Variants in ERICH1 observed in about 807,000 individuals in gnomAD.
ERICH1 encodes the protein glutamate-rich protein 1.
ERICH1 carries 56 observed loss-of-function variants against 39.6 expected under a neutral mutation model. That is an observed-to-expected ratio of 1.41 (90% CI 1.14 to 1.77). The LOEUF (loss-of-function observed/expected upper bound fraction) is 1.77, where lower values mean the gene tolerates loss of function less well. Ranked by LOEUF, ERICH1 falls within the 40% of genes most tolerant of loss-of-function variation. The probability of loss-of-function intolerance (pLI) is 0.00; values close to 1 mark genes in which losing one functional copy is unlikely to be tolerated. For missense variants in ERICH1, 826 were observed against 575.4 expected, an observed-to-expected ratio of 1.44 and a Z score of -4.45; for synonymous variants, 313 against 223.6, an observed-to-expected ratio of 1.40 and a Z score of -3.57.
chr8:620,615 C>A (rs570284258), intron 3 of ERICH1, among the ~76,000 whole-genome samples: 10 of 152,254 alleles, frequency 6.6e-5, no homozygotes, highest in Non-Finnish European at 1.0e-4. Context: ...GAAAAACATA[C>A]GTCATGCAAA....
chr8:665,274 C>T (rs1400983417), intron 5 of ERICH1, among the ~76,000 whole-genome samples: 1 of 152,166 alleles, frequency 6.6e-6, no homozygotes, highest in Non-Finnish European at 1.5e-5. Flanking sequence ...CGGCTCCGAC[C>T]TCTGAGCCCA....
chr8:703,073 G>A (rs950544766), intron 2 of ERICH1, among the ~76,000 whole-genome samples: 2 of 152,224 alleles, frequency 1.3e-5, no homozygotes, highest in African/African-American at 4.8e-5. Context: ...GAAACTAAAA[G>A]GGCTTACGTC....
intron 2 of ERICH1, among the ~76,000 whole-genome samples, chr8:696,371 G>A (rs1393118645): frequency 8.1e-5 from 1 of 12,290 alleles, no homozygotes; most frequent in South Asian, 6.8e-3. Context: ...ATCAGCCTGC[G>A]CTCGCTCCTC....
intron 3 of ERICH1, among the ~76,000 whole-genome samples, chr8:678,076 A>C (rs1805264819): frequency 6.6e-6 from 1 of 152,134 alleles, no homozygotes; most frequent in Non-Finnish European, 1.5e-5. Context: ...AAAGGCCATA[A>C]AATGTTAAGT....
In ERICH1 at chr8:668,625, A is replaced by G; in HGVS notation, c.1231T>C (p.Phe411Leu). 1 of 1,614,220 alleles carries G rather than the reference A, an allele frequency of 6.2e-7. No individual in the cohort carries two copies. ...GGAGGCATCGTGCAATGTTCTGGGAACATTTCCAGAGCATGCTTCAATCTC... is the reference window on the plus strand; with the variant it reads ...GGAGGCATCGTGCAATGTTCTGGGAGCATTTCCAGAGCATGCTTCAATCTC... ...TERLKHALEM[F>L]PEHCTMPPDH... The change falls in exon 5 of 6, where the codon TTC becomes CTC. Residue 411 changes from phenylalanine (F) to leucine (L), a missense_variant. Transcript: ENST00000262109.
intron 3 of ERICH1, among the ~76,000 whole-genome samples, chr8:678,689 T>G (rs777187150): frequency 5.3e-5 from 8 of 152,118 alleles, no homozygotes; most frequent in Non-Finnish European, 1.2e-4. Flanking sequence ...GTGCCTGTAG[T>G]CCCAGCTACT....
chr8:717,036 G>T (rs1050096111), intron 1 of ERICH1, among the ~76,000 whole-genome samples: 2 of 152,220 alleles, frequency 1.3e-5, no homozygotes, highest in Admixed American at 1.3e-4. Flanking sequence ...CTCCGTGGAT[G>T]GACCATGAAA....
chr8:717,210 G>A (rs1023563858), intron 1 of ERICH1, among the ~76,000 whole-genome samples: 2 of 152,148 alleles, frequency 1.3e-5, no homozygotes, highest in African/African-American at 2.4e-5. Context: ...GAACTGAAAC[G>A]ATGTGATCCC....
chr8:617,591 T>A (rs1435376910), intron 3 of ERICH1, among the ~76,000 whole-genome samples: 2 of 143,802 alleles, frequency 1.4e-5, no homozygotes, highest in African/African-American at 5.2e-5. Flanking sequence ...TCTGAGTGCT[T>A]GGTGCTCCAT....
chr8:702,812 G>A (rs1326585906), intron 2 of ERICH1, among the ~76,000 whole-genome samples: 1 of 152,234 alleles, frequency 6.6e-6, no homozygotes, highest in Non-Finnish European at 1.5e-5. Flanking sequence ...GAGGGGCAGG[G>A]CGGAAGCCAG....
At chr8:689,658 A>C (rs931459145) in intron 3 of ERICH1, among the ~76,000 whole-genome samples, 3 of 152,176 alleles carry the variant, frequency 2.0e-5, no homozygotes, top group African/African-American at 7.2e-5. Flanking sequence ...TAAAAATTAC[A>C]TGGCTGGACT....
intron 3 of ERICH1, among the ~76,000 whole-genome samples, chr8:682,078 A>T (rs1806261644): frequency 0.012 from 1 of 86 alleles, no homozygotes; most frequent in Admixed American, 0.062. Flanking sequence ...TTCCATGATG[A>T]GTAGGTCTTG....
At position 646,444 on chromosome 8, in the gene ERICH1, G is replaced by C. The variant is rs570433412; in HGVS notation, c.976+22154C>G. 2.9e-5 allele frequency among the ~76,000 whole-genome samples: 2 copies of C among 68,938 alleles called. 1 individual carries two copies. The highest frequency in any genetic ancestry group is 5.9e-4 in the East Asian group (2 of 3,364). The allele number at this position is 68,938 out of a possible 152,430, so 45.2% of individuals were successfully genotyped here. A position where few individuals can be genotyped will look rare whatever the true frequency, so the allele number is the denominator to read the frequency against. Reference sequence around the variant, plus strand: ...TAGCTCTCACAAAGACTAAAATTGGGAAATTTGCCTAAACTGGTGTTTAAT... The same window carrying C: ...TAGCTCTCACAAAGACTAAAATTGGCAAATTTGCCTAAACTGGTGTTTAAT... On this transcript the variant is annotated intron_variant, in intron 3 of 3. Coordinates refer to the ERICH1 transcript ENST00000522706.
intron 2 of ERICH1, among the ~76,000 whole-genome samples, chr8:697,112 A>G (rs1563287744): frequency 1.3e-5 from 2 of 152,176 alleles, no homozygotes; most frequent in Admixed American, 6.5e-5. Flanking sequence ...CTCTCTGTAT[A>G]TACACAGATG....
chr8:723,148 C>T (rs975183025), intron 1 of ERICH1, among the ~76,000 whole-genome samples: 1 of 152,208 alleles, frequency 6.6e-6, no homozygotes, highest in African/African-American at 2.4e-5. Context: ...CCCGCTCTCC[C>T]TCCCTCACCA....
intron 3 of ERICH1, among the ~76,000 whole-genome samples, chr8:657,382 G>A (rs1056275515): frequency 6.6e-6 from 1 of 152,036 alleles, no homozygotes; most frequent in Non-Finnish European, 1.5e-5. Context: ...TGGTCGGAAG[G>A]GAGGTTATCT....
intron 3 of ERICH1, among the ~76,000 whole-genome samples, chr8:629,406 GCTGA>G (rs1563166483): frequency 7.0e-6 from 1 of 142,826 alleles, no homozygotes; most frequent in South Asian, 2.1e-4. Context: ...CACACACAGA[GCTGA>G]CTCACACCCT....
Position 673,406 on chromosome 8 carries a change from C to T in ERICH1, c.946G>A (p.Asp316Asn). 6.2e-7 allele frequency: 1 copy of T among 1,614,062 alleles called. No individual in the cohort carries two copies. Among genetic ancestry groups the T allele is most frequent in the Non-Finnish European group, 8.5e-7 (1 of 1,179,988 alleles). Residue 316 changes from aspartate (D) to asparagine (N), a missense_variant, in exon 4 of 6, where the codon GAC becomes AAC. Coordinates refer to ENST00000262109, the MANE Select transcript of ERICH1 (RefSeq NM_207332.3). ...TCTGCACCGTCCTCCTCCCCGGAGT[C>T]TGCACCCTCTTCCTCCCCAGCCCAT... Reference protein sequence around the residue: ...PTWAGEEEGADSGEEDGADAS... With the variant: ...PTWAGEEEGANSGEEDGADAS...
At chr8:641,688 C>T (rs539261375) in intron 3 of ERICH1, among the ~76,000 whole-genome samples, 31 of 152,350 alleles carry the variant, frequency 2.0e-4, no homozygotes, top group African/African-American at 6.0e-4. Flanking sequence ...CGCCTGGGTA[C>T]GCTGGCAGCG....
Sources: gnomAD v4.1 joint callset for allele counts (sites outside exome capture counted in the v4.1 genomes callset) on GRCh38, gnomAD v4.1.1 for gene constraint, MANE v1.5 for transcripts, NCBI Gene and HGNC (gene_info 2026-07-23, HGNC 2026-07-21) for gene names.